Variants in EDA observed in about 807,000 individuals in gnomAD.
The protein encoded by EDA is ectodysplasin A, also known as ectodysplasin-A.
In EDA, 2 loss-of-function variants were observed where a neutral mutation model predicts 23.6. The observed-to-expected ratio is 0.08, with a 90% CI of 0.03 to 0.27. The LOEUF (loss-of-function observed/expected upper bound fraction) is 0.27. EDA is among the 10% of genes least tolerant of loss of function. EDA has a pLI of 1.00. For missense variants in EDA, 229 were observed against 324.2 expected (o/e 0.71, Z 2.26); for synonymous variants, 131 against 132.0 (o/e 0.99, Z 0.05).
intron 1 of EDA, among the ~76,000 whole-genome samples, chrX:69,905,415 T>C (rs929711579): frequency 1.2e-5 from 1 of 83,288 alleles, no homozygotes; most frequent in African/African-American, 4.1e-5. Context: ...TTCAGCTGTC[T>C]GGTTCTTCCT....
chrX:69,775,164 C>A (rs1459285003), intron 1 of EDA, among the ~76,000 whole-genome samples: 4 of 111,661 alleles, frequency 3.6e-5, no homozygotes, highest in Non-Finnish European at 7.5e-5. Flanking sequence ...AAATTTCAGA[C>A]AGAACTCCTA....
chrX:69,622,242 G>A (rs1224799909), intron 1 of EDA, among the ~76,000 whole-genome samples: 3 of 111,929 alleles, frequency 2.7e-5, no homozygotes, highest in African/African-American at 9.7e-5. Context: ...ATAGATCAGA[G>A]TTGCTGGGTC....
chrX:70,022,509 T>C (rs1253563001), intron 2 of EDA, among the ~76,000 whole-genome samples: 1 of 108,826 alleles, frequency 9.2e-6, no homozygotes, highest in East Asian at 2.9e-4. Context: ...GCTAATTTTT[T>C]GTGTTTTTAG....
At chrX:69,881,035 C>A (rs1244959217) in intron 1 of EDA, among the ~76,000 whole-genome samples, 1 of 111,424 alleles carries the variant, frequency 9.0e-6, no homozygotes, top group Non-Finnish European at 1.9e-5. Flanking sequence ...ATAGAAAAAT[C>A]CTTGCCTTTG....
intron 1 of EDA, among the ~76,000 whole-genome samples, chrX:69,638,599 T>C (rs756366815): frequency 8.9e-6 from 1 of 111,947 alleles, no homozygotes; most frequent in African/African-American, 3.2e-5. Context: ...GAATGCTTTT[T>C]ATGGCTTCAC....
At chrX:70,007,060 A>G (rs1027832484) in intron 2 of EDA, among the ~76,000 whole-genome samples, 1 of 111,592 alleles carries the variant, frequency 9.0e-6, no homozygotes, top group Non-Finnish European at 1.9e-5. Flanking sequence ...AAATTTATTG[A>G]CTGTATTTGT....
chrX:69,860,731 T>TA lies in EDA; in HGVS notation c.397-96296_397-96295insA, dbSNP rs2017365019. 1.8e-5 allele frequency: 9 copies of TA among 501,169 alleles called. No individual in the cohort carries two copies. In the Admixed American group the frequency reaches 2.4e-4, roughly 13 times the overall value. 41.3% of individuals were successfully genotyped at this position (501,169 alleles called of 1,213,427 possible). On this transcript the variant is annotated intron_variant, in intron 1 of 7. Coordinates refer to ENST00000374552, the MANE Select transcript of EDA (RefSeq NM_001399.5). Reference sequence around the variant, plus strand: ...GGGGTCGACCTTCTCAAAGAGTATCTTCTTGGGGTTCTCTGCATTTCCTTT... The same window carrying TA: ...GGGGTCGACCTTCTCAAAGAGTATCTATCTTGGGGTTCTCTGCATTTCCTTT...
intron 1 of EDA, among the ~76,000 whole-genome samples, chrX:69,723,338 G>A (rs776947327): frequency 1.1e-3 from 127 of 112,047 alleles, no homozygotes; most frequent in Non-Finnish European, 2.0e-3. Flanking sequence ...GTTTTTGCTT[G>A]TTTGACATTA....
chrX:69,935,620 A>G lies in EDA; in HGVS notation c.397-21407A>G, dbSNP rs1371606861. Among the ~76,000 whole-genome samples the G allele has an allele frequency of 5.4e-5, 6 of 111,581 alleles. No homozygotes were observed. The East Asian group carries it at 1.7e-3, about 31-fold the overall frequency. On this transcript the variant is annotated intron_variant, in intron 1 of 7. Transcript: ENST00000374552. Reference sequence around the variant, plus strand: ...AGTAAAGAATGTACAAGGGAGACAAACCAATGTGACTAACATTTGGAGATT... The same window carrying G: ...AGTAAAGAATGTACAAGGGAGACAAGCCAATGTGACTAACATTTGGAGATT...
intron 1 of EDA, among the ~76,000 whole-genome samples, chrX:69,952,164 A>C (rs1304784196): frequency 8.9e-6 from 1 of 112,256 alleles, no homozygotes; most frequent in Non-Finnish European, 1.9e-5. Flanking sequence ...CATTTTAAGC[A>C]GTGTTTTTGT....
At chrX:69,870,918 T>C (rs1268834756) in intron 1 of EDA, among the ~76,000 whole-genome samples, 4 of 111,615 alleles carry the variant, frequency 3.6e-5, no homozygotes, top group Non-Finnish European at 5.6e-5. Context: ...TATCTGCTTC[T>C]GAAGTCAGGT....
chrX:69,667,012 T>A (rs1933703827), intron 1 of EDA, among the ~76,000 whole-genome samples: 1 of 111,648 alleles, frequency 9.0e-6, no homozygotes, highest in African/African-American at 3.2e-5. Context: ...CCTGACTCAA[T>A]CTTGGTAGGT....
intron 1 of EDA, among the ~76,000 whole-genome samples, chrX:69,704,375 C>T (rs752045172): frequency 8.9e-6 from 1 of 111,775 alleles, no homozygotes; most frequent in South Asian, 3.7e-4. Context: ...ACAAAGCCTC[C>T]AGGTAGCAGA....
intron 1 of EDA, among the ~76,000 whole-genome samples, chrX:69,793,538 G>C (rs1272177722): frequency 2.0e-5 from 2 of 99,886 alleles, no homozygotes; most frequent in African/African-American, 7.4e-5. Context: ...CCTAATGGTT[G>C]AATGGAGCTT....
intron 1 of EDA, among the ~76,000 whole-genome samples, chrX:69,770,717 A>G (rs1439225452): frequency 1.2e-4 from 11 of 92,436 alleles, no homozygotes; most frequent in African/African-American, 4.4e-4. Context: ...AGAGCAAAAG[A>G]TTTAATTTGG....
intron 1 of EDA, among the ~76,000 whole-genome samples, chrX:69,639,642 T>A (rs1231147261): frequency 8.9e-6 from 1 of 112,079 alleles, no homozygotes; most frequent in East Asian, 2.8e-4. Flanking sequence ...AGGAGTTTTT[T>A]AAATATATTC....
chrX:69,772,950 A>T (rs1454734786), intron 1 of EDA, among the ~76,000 whole-genome samples: 1 of 111,725 alleles, frequency 9.0e-6, no homozygotes, highest in Admixed American at 9.5e-5. Context: ...TAGTATATTC[A>T]CAGTGCTCTG....
At chrX:69,892,534 T>C (rs909759502) in intron 1 of EDA, among the ~76,000 whole-genome samples, 1 of 111,662 alleles carries the variant, frequency 9.0e-6, no homozygotes, top group Non-Finnish European at 1.9e-5. Flanking sequence ...ATCTTCCAGT[T>C]CTAATAACAT....
At chrX:69,777,144 T>TTGTTGTTGTTGTTA (rs374930096) in intron 1 of EDA, among the ~76,000 whole-genome samples, 1 of 106,794 alleles carries the variant, frequency 9.4e-6, no homozygotes, top group Non-Finnish European at 1.9e-5. Flanking sequence ...GATTCTGGGT[T>TTGTTGTTGTTGTTA]TTGTTGTTGT....
Sources: allele counts gnomAD v4.1 joint callset (sites outside exome capture counted in the v4.1 genomes callset), GRCh38; gene constraint gnomAD v4.1.1; transcripts MANE v1.5; gene names NCBI Gene and HGNC (gene_info 2026-07-23, HGNC 2026-07-21).